IMMP2L: variants seen among roughly 807,000 people sequenced by gnomAD.
The protein encoded by IMMP2L is inner mitochondrial membrane peptidase subunit 2, also known as mitochondrial inner membrane protease subunit 2.
In IMMP2L, 18 loss-of-function variants were observed where a neutral mutation model predicts 19.3. The observed-to-expected ratio is 0.93, with a 90% CI of 0.64 to 1.38. IMMP2L has a LOEUF of 1.38. Among genes scored for constraint, IMMP2L ranks in the 40% most tolerant of loss-of-function variants. IMMP2L has a pLI of 0.00. For synonymous variants in IMMP2L, 76 were observed against 73.0 expected (o/e 1.04, Z -0.21); for missense variants, 233 against 218.2 (o/e 1.07, Z -0.43).
intron 3 of IMMP2L, among the ~76,000 whole-genome samples, chr7:111,108,132 G>A (rs1234029907): frequency 6.6e-6 from 1 of 151,320 alleles, no homozygotes; most frequent in Non-Finnish European, 1.5e-5. Flanking sequence ...ACCCCAGTCT[G>A]GGTTTGGAGA....
intron 3 of IMMP2L, among the ~76,000 whole-genome samples, chr7:111,334,083 A>G (rs369510411): frequency 6.6e-6 from 1 of 152,098 alleles, no homozygotes. Flanking sequence ...AGCACACTAC[A>G]TATCAAAAAT....
chr7:110,815,717 T>G (rs1802443958), intron 5 of IMMP2L, among the ~76,000 whole-genome samples: 1 of 152,168 alleles, frequency 6.6e-6, no homozygotes, highest in South Asian at 2.1e-4. Flanking sequence ...GTCGAGGAAT[T>G]TATCCATTTC....
At position 110,803,304 on chromosome 7, in the gene IMMP2L, A is replaced by G. The variant is rs1425465944; in HGVS notation, c.408+83289T>C. On this transcript the variant is annotated intron_variant, in intron 5 of 5. Coordinates refer to ENST00000405709, the MANE Select transcript of IMMP2L (RefSeq NM_032549.4). This position sits in a 1 kb window ranked among gnomAD's most constrained non-coding sequence, Gnocchi z 4.2. ...CTGTGAGGTATGAGTTGCAGAGCTTAGAGACAGCCAGTTGATGTCCACTTT... is the reference window on the plus strand; with the variant it reads ...CTGTGAGGTATGAGTTGCAGAGCTTGGAGACAGCCAGTTGATGTCCACTTT... 2.0e-5 allele frequency among the ~76,000 whole-genome samples: 3 copies of G among 152,098 alleles called. No homozygotes were observed. The highest frequency in any genetic ancestry group is 3.9e-4 in the East Asian group (2 of 5,154).
At chr7:111,332,286 AAATAT>A (rs1245320971) in intron 3 of IMMP2L, among the ~76,000 whole-genome samples, 1 of 151,980 alleles carries the variant, frequency 6.6e-6, no homozygotes. Flanking sequence ...GAAGCCAAGC[AAATAT>A]AATATAGCGT....
chr7:110,669,260 GAC>G (rs1304967113), intron 5 of IMMP2L, among the ~76,000 whole-genome samples: 1 of 152,138 alleles, frequency 6.6e-6, no homozygotes, highest in African/African-American at 2.4e-5. Flanking sequence ...TCCAAAGGCA[GAC>G]TGCTGGTGAA....
At chr7:111,059,703 G>A (rs1275332743) in intron 3 of IMMP2L, among the ~76,000 whole-genome samples, 2 of 152,070 alleles carry the variant, frequency 1.3e-5, no homozygotes, top group Non-Finnish European at 2.9e-5. Context: ...TAGGCAATAA[G>A]CTACTGCTCA....
intron 3 of IMMP2L, among the ~76,000 whole-genome samples, chr7:110,999,469 T>C (rs1823409001): frequency 6.6e-6 from 1 of 151,938 alleles, no homozygotes; most frequent in East Asian, 1.9e-4. Flanking sequence ...CTAGTGTTAT[T>C]GATTTAATTT....
chr7:111,456,163 G>A (rs1839655701), intron 3 of IMMP2L, among the ~76,000 whole-genome samples: 1 of 151,784 alleles, frequency 6.6e-6, no homozygotes, highest in African/African-American at 2.4e-5. Flanking sequence ...ACTCTTTAGG[G>A]CAAGAAAAGG....
At chr7:111,482,434 G>C (rs146105250) in intron 3 of IMMP2L, among the ~76,000 whole-genome samples, 8 of 152,168 alleles carry the variant, frequency 5.3e-5, no homozygotes, top group Admixed American at 4.6e-4. Flanking sequence ...TGAAATCTGT[G>C]ATCCAGATTA....
At chr7:111,145,768 C>A (rs1295559254) in intron 3 of IMMP2L, among the ~76,000 whole-genome samples, 1 of 151,970 alleles carries the variant, frequency 6.6e-6, no homozygotes, top group Non-Finnish European at 1.5e-5. Context: ...AAGCACAATT[C>A]TATGAAGCAA....
chr7:111,392,827 C>A (rs754696813), intron 3 of IMMP2L: 1 of 456,428 alleles, frequency 2.2e-6, no homozygotes, highest in Non-Finnish European at 4.4e-6. Flanking sequence ...AAAAGTACCA[C>A]AAATGAAGAG....
intron 5 of IMMP2L, among the ~76,000 whole-genome samples, chr7:110,864,895 A>G (rs1277474848): frequency 6.6e-6 from 1 of 152,002 alleles, no homozygotes; most frequent in Non-Finnish European, 1.5e-5. Context: ...TTTTCTCTTC[A>G]GTTTAACAAT....
chr7:111,530,690 G>C (rs1847307219), intron 1 of IMMP2L, among the ~76,000 whole-genome samples: 1 of 151,088 alleles, frequency 6.6e-6, no homozygotes, highest in Non-Finnish European at 1.5e-5. Context: ...TGATGAGAAA[G>C]GCTAAAAAGA....
At chr7:110,989,983 T>A (rs888473814) in intron 3 of IMMP2L, among the ~76,000 whole-genome samples, 1 of 152,230 alleles carries the variant, frequency 6.6e-6, no homozygotes, top group East Asian at 1.9e-4. Flanking sequence ...CTCTGTTGAT[T>A]GATGCATCAG....
chr7:110,844,557 C>T (rs1001594021), intron 5 of IMMP2L, among the ~76,000 whole-genome samples: 1 of 151,530 alleles, frequency 6.6e-6, no homozygotes, highest in African/African-American at 2.4e-5. Flanking sequence ...AGGTATTTGC[C>T]CTTCATCCTA....
intron 3 of IMMP2L, among the ~76,000 whole-genome samples, chr7:111,011,089 T>A (rs1354019600): frequency 6.6e-6 from 1 of 151,920 alleles, no homozygotes; most frequent in Non-Finnish European, 1.5e-5. Context: ...TAGAAGTGAG[T>A]GGCACTGACG....
chr7:111,336,365 T>A (rs1826408023), intron 3 of IMMP2L, among the ~76,000 whole-genome samples: 1 of 151,946 alleles, frequency 6.6e-6, no homozygotes. Flanking sequence ...TATTTTAAAG[T>A]GAATGGAAGA....
chr7:111,403,992 A>G (rs1018113538), intron 3 of IMMP2L, among the ~76,000 whole-genome samples: 1 of 152,110 alleles, frequency 6.6e-6, no homozygotes, highest in African/African-American at 2.4e-5. Context: ...AAACACATAT[A>G]CTAATTAACT....
intron 3 of IMMP2L, among the ~76,000 whole-genome samples, chr7:111,371,631 T>A (rs1442318607): frequency 2.6e-5 from 4 of 152,082 alleles, no homozygotes; most frequent in Non-Finnish European, 5.9e-5. Flanking sequence ...CCATAGAGAC[T>A]GTATGTACAG....
Sources: gnomAD v4.1 joint callset for allele counts (sites outside exome capture counted in the v4.1 genomes callset) on GRCh38, gnomAD v4.1.1 for gene constraint, Gnocchi (gnomAD v3.1) non-coding constraint, MANE v1.5 for transcripts, NCBI Gene and HGNC (gene_info 2026-07-23, HGNC 2026-07-21) for gene names.